JAZF1: variants seen among roughly 807,000 people sequenced by gnomAD.
JAZF1 encodes the protein JAZF zinc finger 1.
Under a neutral mutation model 26.4 loss-of-function variants are expected in JAZF1, and 8 were observed. The ratio of observed to expected loss-of-function variants is 0.30; its 90% CI spans 0.18 to 0.55. The LOEUF is 0.55. Among genes scored for constraint, JAZF1 ranks in the 20% least tolerant of loss-of-function variants. The pLI, the probability that JAZF1 is intolerant of heterozygous loss-of-function variation, is 0.94. For synonymous variants in JAZF1, 126 were observed against 122.3 expected, an observed-to-expected ratio of 1.03 and a Z score of -0.20; for missense variants, 199 against 322.0, an observed-to-expected ratio of 0.62 and a Z score of 2.92.
At chr7:27,874,788 T>C (rs1042169671) in intron 3 of JAZF1, among the ~76,000 whole-genome samples, 7 of 152,166 alleles carry the variant, frequency 4.6e-5, no homozygotes, top group Non-Finnish European at 8.8e-5. Context: ...GGCGTGGCAC[T>C]GCCTTGGGCC....
At chr7:28,148,853 T>G (rs1783065780) in intron 1 of JAZF1, among the ~76,000 whole-genome samples, 1 of 152,148 alleles carries the variant, frequency 6.6e-6, no homozygotes, top group Admixed American at 6.5e-5. Flanking sequence ...CACTGCTGAG[T>G]GAATGACACA....
In JAZF1 at chr7:27,929,994, C is replaced by CTCTT. The variant is rs375518788; in HGVS notation, c.189-34582_189-34579dup. On this transcript the variant is annotated intron_variant, in intron 2 of 4. Transcript: ENST00000283928. The stretch of plus-strand genomic sequence containing the variant: ...TCCCTCCCTCCCTCTCTCTCTCTCT[C>CTCTT]TCTTTCTTTCTTTCTTTTTGAGACG... Among the ~76,000 whole-genome samples the CTCTT allele has an allele frequency of 7.5e-3, 1,132 of 150,878 alleles. 10 individuals carry two copies. Among genetic ancestry groups the CTCTT allele is most frequent in the Admixed American group, 0.012 (188 of 15,162 alleles).
intron 1 of JAZF1, among the ~76,000 whole-genome samples, chr7:28,130,454 T>A (rs931449910): frequency 2.0e-5 from 3 of 152,202 alleles, no homozygotes; most frequent in African/African-American, 7.2e-5. Context: ...AACTCTTGCA[T>A]GTTTATAAAT....
intron 1 of JAZF1, among the ~76,000 whole-genome samples, chr7:28,043,434 A>G (rs1158435514): frequency 6.6e-6 from 1 of 152,038 alleles, no homozygotes; most frequent in East Asian, 1.9e-4. Context: ...TACGGCCCCA[A>G]CATTTTCTTG....
chr7:28,178,718 A>AT (rs1201254511), intron 1 of JAZF1, among the ~76,000 whole-genome samples: 8 of 152,354 alleles, frequency 5.3e-5, no homozygotes, highest in Non-Finnish European at 1.0e-4. Context: ...TTCAATCATG[A>AT]TATGAATCAG....
intron 3 of JAZF1, among the ~76,000 whole-genome samples, chr7:27,879,326 C>T (rs557083870): frequency 1.8e-4 from 27 of 152,206 alleles, no homozygotes; most frequent in South Asian, 8.3e-4. Flanking sequence ...TGGTTCATGG[C>T]GCCAGGATGA....
intron 1 of JAZF1, among the ~76,000 whole-genome samples, chr7:28,070,936 A>T (rs1783965479): frequency 6.6e-6 from 1 of 152,226 alleles, no homozygotes; most frequent in Admixed American, 6.5e-5. Flanking sequence ...CATACTGCAC[A>T]CACAGAGCAG....
chr7:28,089,615 A>C (rs538226086), intron 1 of JAZF1, among the ~76,000 whole-genome samples: 2 of 152,288 alleles, frequency 1.3e-5, no homozygotes, highest in South Asian at 4.1e-4. Flanking sequence ...GCTCAGAAAG[A>C]AAAGAGGAGA....
chr7:28,060,801 G>C (rs1306926524), intron 1 of JAZF1, among the ~76,000 whole-genome samples: 4 of 152,166 alleles, frequency 2.6e-5, no homozygotes, highest in Non-Finnish European at 5.9e-5. Context: ...TGTGGCTCTG[G>C]AGGTTGTAAA....
intron 1 of JAZF1, among the ~76,000 whole-genome samples, chr7:28,046,862 T>C (rs1783505754): frequency 6.6e-6 from 1 of 152,188 alleles, no homozygotes; most frequent in African/African-American, 2.4e-5. Context: ...TGTATAAATT[T>C]TGAATATTAA....
rs78234877 is a variant in JAZF1, at chr7:27,833,034, G to A, written c.556-58C>T. The A allele has an allele frequency of 5.2e-3, 7,303 of 1,399,986 alleles. 352 individuals carry two copies. The African/African-American group carries it at 0.095, about 18-fold the overall frequency. 86.7% of individuals were successfully genotyped at this position (1,399,986 alleles called of 1,614,324 possible). On this transcript the variant is annotated intron_variant, in intron 4 of 4. Coordinates refer to ENST00000283928, the MANE Select transcript of JAZF1 (RefSeq NM_175061.4). ...ATTCACAGGATACCTGTCAAACTTC[G>A]GAAACCTCAATTTGGGTCTGGATTG...
At chr7:27,863,831 A>C (rs1219405053) in intron 3 of JAZF1, 1 of 152,232 alleles carries the variant, frequency 6.6e-6, no homozygotes, top group Non-Finnish European at 1.5e-5. Context: ...AAGACACACA[A>C]AAACGTCACC....
intron 2 of JAZF1, among the ~76,000 whole-genome samples, chr7:27,969,224 C>T (rs1490245123): frequency 6.6e-6 from 1 of 152,176 alleles, no homozygotes; most frequent in Non-Finnish European, 1.5e-5. Flanking sequence ...AGAAGAGATG[C>T]ACGCAGACAT....
At chr7:27,945,700 A>G (rs149219299) in intron 2 of JAZF1, among the ~76,000 whole-genome samples, 1 of 152,292 alleles carries the variant, frequency 6.6e-6, no homozygotes, top group East Asian at 1.9e-4. Context: ...CCCCAGACCT[A>G]TGGGATTTGT....
At chr7:28,125,265 CT>C (rs538111234) in intron 1 of JAZF1, among the ~76,000 whole-genome samples, 318 of 152,080 alleles carry the variant, frequency 2.1e-3, no homozygotes, top group Middle Eastern at 6.8e-3. Context: ...GTTTTCCCCC[CT>C]AAAGCATTTT....
At chr7:28,037,060 G>T (rs1783306051) in intron 1 of JAZF1, among the ~76,000 whole-genome samples, 1 of 152,074 alleles carries the variant, frequency 6.6e-6, no homozygotes, top group Admixed American at 6.6e-5. Flanking sequence ...GGGTGCAGAG[G>T]GAATCAATCT....
intron 1 of JAZF1, among the ~76,000 whole-genome samples, chr7:28,031,176 C>G: frequency 6.6e-6 from 1 of 152,052 alleles, no homozygotes; most frequent in South Asian, 2.1e-4. Context: ...ATCGATGGCA[C>G]CTTCATACAT....
chr7:27,945,311 G>A (rs1248778483), intron 2 of JAZF1, among the ~76,000 whole-genome samples: 1 of 152,040 alleles, frequency 6.6e-6, no homozygotes, highest in African/African-American at 2.4e-5. Context: ...AGCCCAGCGG[G>A]GCAAGCCATG....
intron 1 of JAZF1, among the ~76,000 whole-genome samples, chr7:28,166,318 G>A (rs931353091): frequency 5.9e-5 from 9 of 152,214 alleles, no homozygotes; most frequent in African/African-American, 2.2e-4. Flanking sequence ...ATATATTGCT[G>A]TGCAAGCTTC....
Sources: gnomAD v4.1 joint callset for allele counts (sites outside exome capture counted in the v4.1 genomes callset) on GRCh38, gnomAD v4.1.1 for gene constraint, MANE v1.5 for transcripts, NCBI Gene and HGNC (gene_info 2026-07-23, HGNC 2026-07-21) for gene names.